The following HTR1F variants were observed in gnomAD, a reference collection of about 807,000 sequenced individuals.
The protein encoded by HTR1F is 5-hydroxytryptamine (serotonin) receptor 1F, G protein-coupled.
HTR1F carries 17 observed loss-of-function variants against 24.0 expected under a neutral mutation model. The observed-to-expected ratio is 0.71, with a 90% confidence interval of 0.48 to 1.06. The LOEUF is 1.06. Ranked by LOEUF, HTR1F falls within the 50% of genes least tolerant of loss-of-function variation. The pLI is 0.00. For synonymous variants in HTR1F, 186 were observed against 156.8 expected (o/e 1.19, Z -1.39); for missense variants, 391 against 427.8 (o/e 0.91, Z 0.76).
chr3:87,824,029 G>A (rs75988944), intron 2 of HTR1F, among the ~76,000 whole-genome samples: 66 of 147,342 alleles, frequency 4.5e-4, no homozygotes, highest in African/African-American at 1.6e-3. Context: ...CCTGGCGACA[G>A]GGTGAGACTC....
At chr3:87,834,338 CAT>C (rs1704640925) in intron 2 of HTR1F, among the ~76,000 whole-genome samples, 2 of 151,892 alleles carry the variant, frequency 1.3e-5, no homozygotes, top group South Asian at 2.1e-4. Context: ...CACAAATACT[CAT>C]ATAAATACTC....
chr3:87,873,349 A>G lies in HTR1F; in HGVS notation c.-43+51225A>G, dbSNP rs1705601968. Among the ~76,000 whole-genome samples, 3 of 152,144 alleles carry G rather than the reference A, an allele frequency of 2.0e-5. No individual in the cohort carries two copies. In the South Asian group the frequency reaches 6.2e-4, roughly 31 times the overall value. ...TGGGAGTGGAAGGAGGAGATGAATG[A>G]TGTAAACATGAGTCAGAGTCTGAAG... On this transcript the variant is annotated intron_variant, in intron 2 of 2. Coordinates refer to ENST00000319595, the MANE Select transcript of HTR1F (RefSeq NM_001322209.2).
intron 2 of HTR1F, among the ~76,000 whole-genome samples, chr3:87,881,632 G>A (rs930849857): frequency 6.6e-6 from 1 of 152,208 alleles, no homozygotes; most frequent in Non-Finnish European, 1.5e-5. Context: ...TTTAATAAAT[G>A]GTGCTGGGAA....
intron 1 of HTR1F, among the ~76,000 whole-genome samples, chr3:87,797,912 T>A (rs1703931904): frequency 6.6e-6 from 1 of 152,096 alleles, no homozygotes; most frequent in Non-Finnish European, 1.5e-5. Context: ...TAATAAGTGG[T>A]AGGGGATGGC....
At chr3:87,934,351 C>T (rs549028157) in intron 2 of HTR1F, among the ~76,000 whole-genome samples, 3 of 152,248 alleles carry the variant, frequency 2.0e-5, no homozygotes, top group East Asian at 1.9e-4. Context: ...TAATACCCAC[C>T]CTCTGTCCCC....
chr3:87,916,099 G>C (rs899573734), intron 2 of HTR1F, among the ~76,000 whole-genome samples: 1 of 151,932 alleles, frequency 6.6e-6, no homozygotes, highest in African/African-American at 2.4e-5. Context: ...TTTGTATCCA[G>C]CTAAACTAAG....
At chr3:87,988,423 C>T (rs569625367) in intron 2 of HTR1F, among the ~76,000 whole-genome samples, 1 of 152,202 alleles carries the variant, frequency 6.6e-6, no homozygotes, top group Admixed American at 6.5e-5. Context: ...ACTCAATTTG[C>T]TTAACAGCAC....
At chr3:87,958,810 A>G (rs1205704103) in intron 2 of HTR1F, among the ~76,000 whole-genome samples, 5 of 151,606 alleles carry the variant, frequency 3.3e-5, no homozygotes, top group Admixed American at 6.6e-5. Context: ...CTTCACAATT[A>G]GAGGTGTTCC....
chr3:87,868,356 G>A (rs749186568), intron 2 of HTR1F, among the ~76,000 whole-genome samples: 1 of 151,960 alleles, frequency 6.6e-6, no homozygotes, highest in Non-Finnish European at 1.5e-5. Context: ...ATTTGAATTA[G>A]ATGTGATTTC....
chr3:87,813,246 G>C (rs1371979959), intron 1 of HTR1F, among the ~76,000 whole-genome samples: 3 of 152,202 alleles, frequency 2.0e-5, no homozygotes, highest in Admixed American at 6.5e-5. Context: ...CCTTGCATCA[G>C]CGTGCCCTGT....
intron 2 of HTR1F, among the ~76,000 whole-genome samples, chr3:87,889,494 G>A (rs1388631643): frequency 6.6e-6 from 1 of 151,990 alleles, no homozygotes; most frequent in East Asian, 1.9e-4. Context: ...ATCAATTTAA[G>A]CATAGAAAAC....
At chr3:87,832,336 C>CTT (rs1240822899) in intron 2 of HTR1F, among the ~76,000 whole-genome samples, 1 of 83,614 alleles carries the variant, frequency 1.2e-5, no homozygotes, top group Admixed American at 1.5e-4. Context: ...TTTTTTTTTT[C>CTT]TTTTTTTTTG....
chr3:87,945,859 C>CGGTGG (rs1553680972), intron 2 of HTR1F, among the ~76,000 whole-genome samples: 3 of 151,770 alleles, frequency 2.0e-5, no homozygotes, highest in African/African-American at 7.3e-5. Context: ...AAAATGTTAC[C>CGGTGG]GGGGGGGTCC....
intron 2 of HTR1F, among the ~76,000 whole-genome samples, chr3:87,909,619 A>C (rs554219826): frequency 6.6e-6 from 1 of 152,094 alleles, no homozygotes; most frequent in Non-Finnish European, 1.5e-5. Flanking sequence ...GTTCAGCTGC[A>C]TAAAACAGAA....
chr3:87,812,130 T>C, intron 1 of HTR1F, among the ~76,000 whole-genome samples: 1 of 152,138 alleles, frequency 6.6e-6, no homozygotes, highest in East Asian at 1.9e-4. Context: ...AATGGACTAG[T>C]ACAGTTAATT....
At chr3:87,973,297 T>C (rs1705325745) in intron 2 of HTR1F, among the ~76,000 whole-genome samples, 1 of 152,212 alleles carries the variant, frequency 6.6e-6, no homozygotes, top group Non-Finnish European at 1.5e-5. Context: ...CATTCAACTT[T>C]TCAATCCTCA....
At chr3:87,813,806 C>T (rs1375999345) in intron 1 of HTR1F, among the ~76,000 whole-genome samples, 1 of 152,170 alleles carries the variant, frequency 6.6e-6, no homozygotes, top group Admixed American at 6.5e-5. Context: ...GACAGTTCCT[C>T]CTTCATATGC....
chr3:87,881,682 T>C (rs1705805265), intron 2 of HTR1F, among the ~76,000 whole-genome samples: 1 of 152,182 alleles, frequency 6.6e-6, no homozygotes, highest in Admixed American at 6.5e-5. Context: ...AGTGGATCCC[T>C]TCCTTACACC....
chr3:87,829,272 A>T (rs1704525759), intron 2 of HTR1F, among the ~76,000 whole-genome samples: 1 of 152,174 alleles, frequency 6.6e-6, no homozygotes, highest in African/African-American at 2.4e-5. Flanking sequence ...CATGAAAATT[A>T]TCCACCAATT....
Sources: allele counts gnomAD v4.1 joint callset (sites outside exome capture counted in the v4.1 genomes callset), GRCh38; gene constraint gnomAD v4.1.1; transcripts MANE v1.5; gene names NCBI Gene and HGNC (gene_info 2026-07-23, HGNC 2026-07-21).